The following RORB variants were observed in gnomAD, a reference collection of about 807,000 sequenced individuals.
RORB encodes RAR related orphan receptor B, also known as nuclear receptor ROR-beta.
RORB carries 6 observed loss-of-function variants against 59.1 expected under a neutral mutation model. That is an observed-to-expected ratio of 0.10 (90% CI 0.06 to 0.20). RORB has a LOEUF of 0.20. Among genes scored for constraint, RORB ranks in the 10% least tolerant of loss-of-function variants. RORB has a pLI of 1.00. For missense variants in RORB, 320 were observed against 560.5 expected, an observed-to-expected ratio of 0.57 and a Z score of 4.33; for synonymous variants, 215 against 204.5, an observed-to-expected ratio of 1.05 and a Z score of -0.44.
intron 1 of RORB, among the ~76,000 whole-genome samples, chr9:74,508,611 CAGCGA>C (rs1480718836): frequency 6.6e-6 from 1 of 151,944 alleles, no homozygotes; most frequent in African/African-American, 2.4e-5. Flanking sequence ...AAATGTAACT[CAGCGA>C]ATCTTAAATA....
At chr9:74,500,505 A>T (rs1825791716) in intron 1 of RORB, among the ~76,000 whole-genome samples, 1 of 151,892 alleles carries the variant, frequency 6.6e-6, no homozygotes, top group Non-Finnish European at 1.5e-5. Context: ...GCCATTTTTG[A>T]CCTGGGCTTT....
chr9:74,509,666 C>A (rs911029838), intron 1 of RORB, among the ~76,000 whole-genome samples: 1 of 152,020 alleles, frequency 6.6e-6, no homozygotes, highest in African/African-American at 2.4e-5. Context: ...GCTGAGCATA[C>A]CACCATTTAT....
intron 4 of RORB, among the ~76,000 whole-genome samples, chr9:74,643,448 C>T (rs1399666124): frequency 6.6e-6 from 1 of 152,214 alleles, no homozygotes; most frequent in Non-Finnish European, 1.5e-5. Flanking sequence ...CATCAGAAAG[C>T]TGATCCTCTT....
At chr9:74,500,094 A>G (rs1825786161) in intron 1 of RORB, among the ~76,000 whole-genome samples, 1 of 152,184 alleles carries the variant, frequency 6.6e-6, no homozygotes, top group Non-Finnish European at 1.5e-5. Context: ...TGAGAAAACC[A>G]GTTTAAGCCC....
At position 74,659,667 on chromosome 9, in the gene RORB, G is replaced by GT. The variant is rs973859199; in HGVS notation, c.638-941dup. 4.5e-3 allele frequency among the ~76,000 whole-genome samples: 676 copies of GT among 150,608 alleles called. 6 individuals are homozygous for GT. The highest frequency in any genetic ancestry group is 0.014 in the African/African-American group (580 of 41,094). On this transcript the variant is annotated intron_variant, in intron 4 of 9. Coordinates refer to ENST00000376896, the MANE Select transcript of RORB (RefSeq NM_006914.4). ...CACCACACCTGGCTAATTTTTTGTG[G>GT]TTTTTTTTTAGTAGAGATGGGGTTT...
Position 74,557,870 on chromosome 9 carries a change from G to T in RORB, c.7+59887G>T, listed in dbSNP as rs77981858. On this transcript the variant is annotated intron_variant, in intron 1 of 9. Coordinates refer to ENST00000376896, the MANE Select transcript of RORB (RefSeq NM_006914.4). ...CTAACAAGGAGGAAACATTATGTTT[G>T]ATTTCTTTCTGGTTGCTCTTATGAG... 6.2e-3 allele frequency among the ~76,000 whole-genome samples: 938 copies of T among 152,082 alleles called. 9 individuals carry two copies. The highest frequency in any genetic ancestry group is 0.021 in the African/African-American group (883 of 41,494).
chr9:74,550,791 T>G (rs887839047), intron 1 of RORB, among the ~76,000 whole-genome samples: 1 of 152,230 alleles, frequency 6.6e-6, no homozygotes, highest in African/African-American at 2.4e-5. Flanking sequence ...CTATGAGCAT[T>G]TAGAGCTGCA....
At chr9:74,499,308 C>T (rs2118003564) in intron 1 of RORB, among the ~76,000 whole-genome samples, 1 of 152,272 alleles carries the variant, frequency 6.6e-6, no homozygotes, top group South Asian at 2.1e-4. Flanking sequence ...AAGTGATCCT[C>T]TCCCACCCAG....
At chr9:74,511,642 A>C (rs1220389748) in intron 1 of RORB, among the ~76,000 whole-genome samples, 1 of 151,000 alleles carries the variant, frequency 6.6e-6, no homozygotes, top group Non-Finnish European at 1.5e-5. Flanking sequence ...AGGTGAATGA[A>C]TGTTCAGTTA....
chr9:74,688,877 C>G lies in RORB; in HGVS notation c.*3259C>G, dbSNP rs1360465773. ...TCCCTGCAAATCCAAACTTTCTATA[C>G]AAATCCTGAACAAGGAAAATACAGA... On this transcript the variant is annotated 3_prime_UTR_variant, in exon 10 of 10. Transcript: ENST00000376896. 3 of 152,138 alleles carry G rather than the reference C, an allele frequency of 2.0e-5. No individual in the cohort carries two copies. Among genetic ancestry groups the G allele is most frequent in the African/African-American group, 4.8e-5 (2 of 41,434 alleles). The allele number at this position is 152,138 out of a possible 1,614,324, so 9.4% of individuals were successfully genotyped here. A position where few individuals can be genotyped will look rare whatever the true frequency, so the allele number is the denominator to read the frequency against.
At chr9:74,666,542 C>T (rs1301279172) in intron 7 of RORB, among the ~76,000 whole-genome samples, 2 of 151,300 alleles carry the variant, frequency 1.3e-5, no homozygotes, top group East Asian at 3.9e-4. Context: ...ATAGATCATT[C>T]TTTGTGAAAT....
intron 1 of RORB, among the ~76,000 whole-genome samples, chr9:74,594,295 T>C (rs1822941788): frequency 6.6e-6 from 1 of 152,192 alleles, no homozygotes; most frequent in Admixed American, 6.5e-5. Context: ...CTGCCCATGA[T>C]GCATCCAAGG....
intron 1 of RORB, among the ~76,000 whole-genome samples, chr9:74,516,320 G>A (rs1375579761): frequency 1.3e-5 from 2 of 151,920 alleles, no homozygotes; most frequent in East Asian, 3.9e-4. Flanking sequence ...GTGAAGTATT[G>A]TTATCTCTAC....
chr9:74,582,668 G>C (rs1822741032), intron 1 of RORB, among the ~76,000 whole-genome samples: 3 of 152,106 alleles, frequency 2.0e-5, no homozygotes, highest in Admixed American at 6.5e-5. Flanking sequence ...CAATCAGCTG[G>C]ATCTGAGCAG....
At chr9:74,640,475 G>A (rs1823784028) in intron 3 of RORB, among the ~76,000 whole-genome samples, 2 of 151,980 alleles carry the variant, frequency 1.3e-5, no homozygotes, top group South Asian at 4.1e-4. Context: ...AGTAGAGACA[G>A]GGTTTCACCA....
chr9:74,648,001 T>C (rs948129978), intron 4 of RORB, among the ~76,000 whole-genome samples: 8 of 152,226 alleles, frequency 5.3e-5, no homozygotes, highest in Non-Finnish European at 1.0e-4. Context: ...GTGCAGAGAA[T>C]AGAACTTAAC....
chr9:74,572,188 A>G (rs770124555), intron 1 of RORB, among the ~76,000 whole-genome samples: 2 of 152,206 alleles, frequency 1.3e-5, no homozygotes, highest in Non-Finnish European at 2.9e-5. Context: ...TCAGACTGCT[A>G]AATTCAACGG....
chr9:74,641,515 C>T, intron 3 of RORB, among the ~76,000 whole-genome samples: 1 of 152,052 alleles, frequency 6.6e-6, no homozygotes, highest in Non-Finnish European at 1.5e-5. Context: ...TCATTTGATC[C>T]CAAAAGCCAA....
At chr9:74,508,089 C>T (rs1007629001) in intron 1 of RORB, among the ~76,000 whole-genome samples, 2 of 151,532 alleles carry the variant, frequency 1.3e-5, no homozygotes, top group Non-Finnish European at 1.5e-5. Flanking sequence ...AGTTTTTTTC[C>T]CCACTTAAAT....
Sources: allele counts gnomAD v4.1 joint callset (sites outside exome capture counted in the v4.1 genomes callset), GRCh38; gene constraint gnomAD v4.1.1; transcripts MANE v1.5; gene names NCBI Gene and HGNC (gene_info 2026-07-23, HGNC 2026-07-21).